EXOG: variants seen among roughly 807,000 people sequenced by gnomAD.
EXOG encodes the protein exo/endonuclease G.
EXOG carries 27 observed loss-of-function variants against 25.8 expected under a neutral mutation model. The ratio of observed to expected loss-of-function variants is 1.05; its 90% confidence interval spans 0.77 to 1.45. The LOEUF (loss-of-function observed/expected upper bound fraction) is 1.45, where lower values mean the gene tolerates loss of function less well. Ranked by LOEUF, EXOG falls within the 40% of genes most tolerant of loss-of-function variation. EXOG has a pLI of 0.00. For missense variants in EXOG, 458 were observed against 450.5 expected (o/e 1.02, Z -0.15); for synonymous variants, 133 against 167.0 (o/e 0.80, Z 1.57).
intron 1 of EXOG, chr3:38,496,795 G>C: frequency 7.1e-7 from 1 of 1,418,200 alleles, no homozygotes; most frequent in South Asian, 1.3e-5. Flanking sequence ...CTTCCCCCCA[G>C]TTACTCATCG....
chr3:38,498,313 C>G (rs1485648850), intron 2 of EXOG, among the ~76,000 whole-genome samples: 3 of 152,134 alleles, frequency 2.0e-5, no homozygotes, highest in African/African-American at 7.2e-5. Flanking sequence ...CCTGTAATCC[C>G]AGTACTTTGG....
In EXOG at chr3:38,523,943, A is replaced by G. The variant is rs1267643669; in HGVS notation, c.688A>G (p.Lys230Glu). 3.8e-6 allele frequency: 6 copies of G among 1,592,614 alleles called. No homozygotes were observed. The highest frequency in any genetic ancestry group is 5.1e-6 in the Non-Finnish European group (6 of 1,169,322). Reference protein sequence around the residue: ...DNVAVPSHLYKVILARRSSVS... With the variant: ...DNVAVPSHLYEVILARRSSVS... ...CGTGGCAGTCCCCTCACACCTTTAT[A>G]AGGTAATCCTGGCCCGCAGAAGCTC... Residue 230 changes from lysine to glutamate, a missense_variant, in exon 6 of 6, where the codon AAG (lysine) becomes GAG (glutamate). Coordinates refer to ENST00000287675, the MANE Select transcript of EXOG (RefSeq NM_005107.4).
At chr3:38,500,961 T>A (rs541071025) in intron 2 of EXOG, among the ~76,000 whole-genome samples, 2 of 152,350 alleles carry the variant, frequency 1.3e-5, no homozygotes, top group East Asian at 3.8e-4. Context: ...CATAAACTTG[T>A]CAAATACAAT....
chr3:38,506,927 C>CCTCA lies in EXOG; in HGVS notation c.605_608dup (p.Gln203HisfsTer4), dbSNP rs763294263. ...GGTGGTATCTGGGCCTTTGACCTTA[C>CCTCA]CTCAGACTAGAGGCGATGGAAAGAA... On this transcript the variant is annotated frameshift_variant, in exon 5 of 6. Coordinates refer to ENST00000287675, the MANE Select transcript of EXOG (RefSeq NM_005107.4). LOFTEE classifies it low-confidence loss of function (END_TRUNC). The CCTCA allele has an allele frequency of 6.3e-7, 1 of 1,597,902 alleles. No individual in the cohort carries two copies. The highest frequency in any genetic ancestry group is 8.6e-7 in the Non-Finnish European group (1 of 1,165,548).
intron 3 of EXOG, 60 bp from the exon 4 acceptor site, chr3:38,503,555 A>G: frequency 1.0e-6 from 1 of 954,848 alleles, no homozygotes; most frequent in Non-Finnish European, 1.7e-6. Flanking sequence ...TCTTTTTAAT[A>G]AAATATCTTT....
At chr3:38,496,726 C>G in intron 1 of EXOG, 196 bp downstream of exon 1, 1 of 1,450,028 alleles carries the variant, frequency 6.9e-7, no homozygotes, top group Non-Finnish European at 9.1e-7. Flanking sequence ...TCCCTCATGT[C>G]CTTCCTTCCC....
chr3:38,499,707 T>G (rs914966469), intron 2 of EXOG: 2 of 454,704 alleles, frequency 4.4e-6, no homozygotes, highest in East Asian at 1.4e-4. Flanking sequence ...TGGGTTCAAG[T>G]GACCCTCCTG....
intron 3 of EXOG, 47 bp downstream of exon 3, chr3:38,501,541 G>A (rs762148850): frequency 5.1e-6 from 8 of 1,557,924 alleles, no homozygotes; most frequent in African/African-American, 2.7e-5. Flanking sequence ...CTGATGTTAT[G>A]CATACAACAG....
chr3:38,511,477 A>T (rs2125779299), intron 5 of EXOG, among the ~76,000 whole-genome samples: 1 of 152,308 alleles, frequency 6.6e-6, no homozygotes, highest in African/African-American at 2.4e-5. Context: ...GTATCAAGGA[A>T]TTTTTCAAAT....
At chr3:38,502,608 C>A (rs1284468810) in intron 3 of EXOG, among the ~76,000 whole-genome samples, 1 of 151,992 alleles carries the variant, frequency 6.6e-6, no homozygotes, top group East Asian at 1.9e-4. Flanking sequence ...TATATAAATA[C>A]AAGTATCACA....
At chr3:38,522,380 C>G (rs925068802) in intron 5 of EXOG, among the ~76,000 whole-genome samples, 16 of 152,324 alleles carry the variant, frequency 1.1e-4, no homozygotes, top group Admixed American at 8.5e-4. Flanking sequence ...CTGACTCTTA[C>G]CAGGGAAGGG....
rs2060863802 is a variant in EXOG, at chr3:38,526,121, G to A, written c.*1759G>A. ...CAGATCTCTTGATTTGGGTTTACAC[G>A]GAGTCCTTTCATGGACTATCCTGAG... On this transcript the variant is annotated 3_prime_UTR_variant, in exon 6 of 6. Coordinates refer to ENST00000287675, the MANE Select transcript of EXOG (RefSeq NM_005107.4). 10 of 985,214 alleles carry A rather than the reference G, an allele frequency of 1.0e-5. No individual in the cohort carries two copies. The South Asian group carries it at 1.9e-4, about 19-fold the overall frequency. 61.0% of individuals were successfully genotyped at this position (985,214 alleles called of 1,614,324 possible). A position where few individuals can be genotyped will look rare whatever the true frequency, so the allele number is the denominator to read the frequency against.
Position 38,518,910 on chromosome 3 carries a change from C to G in EXOG, c.646-4991C>G, listed in dbSNP as rs191242735. The stretch of plus-strand genomic sequence containing the variant: ...AGAGGGTATCCAAACATGGGTCTGT[C>G]TGACAATTGCCAGTCATTCACAGTG... On this transcript the variant is annotated intron_variant, in intron 5 of 5. Transcript: ENST00000287675. 1.6e-3 allele frequency among the ~76,000 whole-genome samples: 237 copies of G among 152,306 alleles called. 1 individual carries two copies. Among genetic ancestry groups the G allele is most frequent in the Non-Finnish European group, 1.8e-3 (122 of 68,034 alleles).
intron 5 of EXOG, among the ~76,000 whole-genome samples, chr3:38,512,546 G>A (rs1026670962): frequency 2.6e-5 from 4 of 152,044 alleles, no homozygotes; most frequent in Non-Finnish European, 4.4e-5. Context: ...ACTATACTCT[G>A]CTAGTCATAT....
chr3:38,514,474 T>C (rs572642445), intron 5 of EXOG, among the ~76,000 whole-genome samples: 1 of 152,252 alleles, frequency 6.6e-6, no homozygotes, highest in East Asian at 1.9e-4. Context: ...CCTGGAGCAC[T>C]TGGACATTAG....
intron 3 of EXOG, among the ~76,000 whole-genome samples, chr3:38,502,913 CATT>C (rs1359953557): frequency 5.3e-5 from 8 of 152,288 alleles, no homozygotes; most frequent in African/African-American, 1.9e-4. Context: ...CTTGGACACT[CATT>C]ATAATCACCT....
At position 38,496,421 on chromosome 3, in the gene EXOG, C is replaced by G. The variant is rs759832007; in HGVS notation, c.54C>G (p.Ser18Arg). Residue 18 changes from serine (S) to arginine (R), a missense_variant, in exon 1 of 6, where the codon AGC becomes AGG. By Grantham distance (110) the Ser-to-Arg change is moderately radical. Transcript: ENST00000287675. ...SRLRGSRRFL[S>R]GFVAGAVVGA... The stretch of plus-strand genomic sequence containing the variant: ...TCCGGGGTTCCCGTCGTTTTCTGAG[C>G]GGCTTCGTGGCTGGGGCTGTAGTGG... The G allele has an allele frequency of 1.9e-6, 3 of 1,614,026 alleles. No individual in the cohort carries two copies. Among genetic ancestry groups the G allele is most frequent in the Non-Finnish European group, 2.5e-6 (3 of 1,179,956 alleles).
rs4679062 is a variant in EXOG at position 38,512,868 on chromosome 3, C to T, written c.645+5900C>T. Among the ~76,000 whole-genome samples, 2,117 of 152,262 alleles carry T rather than the reference C, an allele frequency of 0.014. 100 individuals carry two copies. In the East Asian group the frequency reaches 0.15, roughly 11 times the overall value. ...CTGGAGTGCAGTGACAAGATCGTAGCTCACTGTAACCTTTATCTTCTGGGC... is the reference window on the plus strand; with the variant it reads ...CTGGAGTGCAGTGACAAGATCGTAGTTCACTGTAACCTTTATCTTCTGGGC... On this transcript the variant is annotated intron_variant, in intron 5 of 5. Transcript: ENST00000287675.
rs1340928940 is a variant in EXOG, at chr3:38,513,504, A to G, written c.645+6536A>G. On this transcript the variant is annotated intron_variant, in intron 5 of 5. Transcript: ENST00000287675. ...GAAATATTACCACAAACAACGGAAA[A>G]ACAGAAGTGGAAGGTAAGGGTGGCA... is the stretch of plus-strand genomic sequence containing the variant. Among the ~76,000 whole-genome samples the G allele has an allele frequency of 7.2e-5, 11 of 152,362 alleles. No homozygotes were observed. In the South Asian group the frequency reaches 2.1e-3, roughly 29 times the overall value.
Sources: gnomAD v4.1 joint callset for allele counts (sites outside exome capture counted in the v4.1 genomes callset) on GRCh38, gnomAD v4.1.1 for gene constraint, MANE v1.5 for transcripts, NCBI Gene and HGNC (gene_info 2026-07-23, HGNC 2026-07-21) for gene names.